Variants in SP4 observed in about 807,000 individuals in gnomAD.
The protein encoded by SP4 is Sp4 transcription factor.
A neutral mutation model predicts 72.8 loss-of-function variants in SP4; 19 were observed. The ratio of observed to expected loss-of-function variants is 0.26; its 90% CI spans 0.18 to 0.38. SP4 has a LOEUF of 0.38. SP4 is among the 10% of genes least tolerant of loss of function. SP4 has a pLI of 1.00. For synonymous variants in SP4, 395 were observed against 333.1 expected, an observed-to-expected ratio of 1.19 and a Z score of -2.02; for missense variants, 1,008 against 926.3, an observed-to-expected ratio of 1.09 and a Z score of -1.14.
chr7:21,447,592 G>C (rs188236678), intron 3 of SP4, among the ~76,000 whole-genome samples: 2 of 152,328 alleles, frequency 1.3e-5, no homozygotes, highest in Admixed American at 6.5e-5. Flanking sequence ...TGAATTTTCT[G>C]TTAGAGTATT....
Position 21,495,431 on chromosome 7 carries a change from A to G in SP4, c.2107+13308A>G, listed in dbSNP as rs76801346. On this transcript the variant is annotated intron_variant, in intron 5 of 5. Transcript: ENST00000222584. ...AACAGTTTTTTTTTTTTAAATGAGC[A>G]AAGGATTTGACACTTCACCAGAGAA... Among the ~76,000 whole-genome samples, 465 of 150,396 alleles carry G rather than the reference A, an allele frequency of 3.1e-3. 2 individuals are homozygous for G. Among genetic ancestry groups the G allele is most frequent in the African/African-American group, 0.011 (441 of 41,038 alleles).
chr7:21,464,109 G>A (rs187220311), intron 3 of SP4, among the ~76,000 whole-genome samples: 127 of 148,368 alleles, frequency 8.6e-4, no homozygotes, highest in South Asian at 5.1e-3. Context: ...TCATTCCCTT[G>A]TCAGGGCGCT....
In SP4 at chr7:21,507,020, T is replaced by G. The variant is rs544373603; in HGVS notation, c.2108-4002T>G. ...TGAGACTTCTTGCCTGGGAGGGTGT[T>G]GCCTCTCCCAGATGGTCATGTCCAC... On this transcript the variant is annotated intron_variant, in intron 5 of 5. Transcript: ENST00000222584. Among the ~76,000 whole-genome samples, 46 of 152,254 alleles carry G rather than the reference T, an allele frequency of 3.0e-4. 1 individual carries two copies. Among genetic ancestry groups the G allele is most frequent in the Admixed American group, 1.8e-3 (28 of 15,288 alleles).
intron 3 of SP4, among the ~76,000 whole-genome samples, chr7:21,441,380 G>A (rs542097279): frequency 6.6e-5 from 10 of 152,134 alleles, no homozygotes; most frequent in Non-Finnish European, 1.2e-4. Flanking sequence ...CTTCCTAGAG[G>A]CTTAGTGGTC....
At chr7:21,456,062 A>C (rs1783755113) in intron 3 of SP4, among the ~76,000 whole-genome samples, 1 of 152,214 alleles carries the variant, frequency 6.6e-6, no homozygotes, top group Admixed American at 6.5e-5. Context: ...ACTCATGGAA[A>C]GCCTTCATAT....
intron 3 of SP4, among the ~76,000 whole-genome samples, chr7:21,461,933 AGACCAAG>A (rs1434330996): frequency 6.6e-6 from 1 of 152,238 alleles, no homozygotes; most frequent in Non-Finnish European, 1.5e-5. Context: ...TGACGATGTC[AGACCAAG>A]GACAGGTGAA....
chr7:21,433,722 C>T lies in SP4; in HGVS notation c.1678+2879C>T, dbSNP rs145320192. Among the ~76,000 whole-genome samples the T allele has an allele frequency of 1.5e-3, 232 of 152,272 alleles. 2 individuals are homozygous for T. The East Asian group carries it at 0.033, about 21-fold the overall frequency. On this transcript the variant is annotated intron_variant, in intron 3 of 5. Coordinates refer to ENST00000222584, the MANE Select transcript of SP4 (RefSeq NM_003112.5). ...TTGGGAGGTCAAGGCAGGTGGATCA[C>T]CTGAGGTTGGGAGTTCGACACCAGC...
intron 3 of SP4, among the ~76,000 whole-genome samples, chr7:21,448,305 C>T (rs1783487916): frequency 6.6e-6 from 1 of 152,156 alleles, no homozygotes; most frequent in Admixed American, 6.5e-5. Flanking sequence ...GTACCACTGG[C>T]AAGTACTCTT....
chr7:21,512,624 C>T lies in SP4; in HGVS notation c.*1355C>T, dbSNP rs1312772642. ...TTGCCCAGGCTGGAGTGCAATGGCACGATCTCAGCTTACTGCAACCGCCGC... is the reference window on the plus strand; with the variant it reads ...TTGCCCAGGCTGGAGTGCAATGGCATGATCTCAGCTTACTGCAACCGCCGC... On this transcript the variant is annotated 3_prime_UTR_variant, in exon 6 of 6. Coordinates refer to ENST00000222584, the MANE Select transcript of SP4 (RefSeq NM_003112.5). The T allele has an allele frequency of 2.0e-5, 3 of 147,934 alleles. No individual in the cohort carries two copies. The highest frequency in any genetic ancestry group is 6.8e-5 in the Admixed American group (1 of 14,714). The allele number at this position is 147,934 out of a possible 1,614,324, so 9.2% of individuals were successfully genotyped here. A position where few individuals can be genotyped will look rare whatever the true frequency, so the allele number is the denominator to read the frequency against.
In SP4 at chr7:21,513,026, C is replaced by T. The variant is rs1442622047; in HGVS notation, c.*1757C>T. On this transcript the variant is annotated 3_prime_UTR_variant, in exon 6 of 6. Coordinates refer to ENST00000222584, the MANE Select transcript of SP4 (RefSeq NM_003112.5). Reference sequence around the variant, plus strand: ...ACCATTTGAAAACTAAAAGTTTTTACCTACCTGCTCAATTTATTAACATCA... The same window carrying T: ...ACCATTTGAAAACTAAAAGTTTTTATCTACCTGCTCAATTTATTAACATCA... The T allele has an allele frequency of 6.6e-6, 1 of 152,592 alleles. No individual in the cohort carries two copies. Among genetic ancestry groups the T allele is most frequent in the Non-Finnish European group, 1.5e-5 (1 of 68,026 alleles). The allele number at this position is 152,592 out of a possible 1,614,324, so 9.5% of individuals were successfully genotyped here. A position where few individuals can be genotyped will look rare whatever the true frequency, so the allele number is the denominator to read the frequency against.
intron 3 of SP4, among the ~76,000 whole-genome samples, chr7:21,458,450 C>G (rs1783849190): frequency 6.6e-6 from 1 of 152,166 alleles, no homozygotes; most frequent in Non-Finnish European, 1.5e-5. Context: ...TCCCAAAGTG[C>G]TGGGAGTACA....
intron 3 of SP4, among the ~76,000 whole-genome samples, chr7:21,455,688 C>T (rs1051118153): frequency 8.5e-5 from 13 of 152,164 alleles, no homozygotes; most frequent in African/African-American, 3.1e-4. Context: ...TACTGTGTAC[C>T]TATCATTGTG....
chr7:21,483,627 C>G (rs1398473850), intron 5 of SP4, among the ~76,000 whole-genome samples: 1 of 151,682 alleles, frequency 6.6e-6, no homozygotes, highest in Non-Finnish European at 1.5e-5. Flanking sequence ...ATTGATTGTC[C>G]TCTTTTACAT....
In SP4 at chr7:21,493,744, T is replaced by G. The variant is rs146415945; in HGVS notation, c.2107+11621T>G. ...AAAACTCTGGGCCCGTATGGTTTCA[T>G]TGACAAATTCTACCATTTAAGGAAT... is the stretch of plus-strand genomic sequence containing the variant. On this transcript the variant is annotated intron_variant, in intron 5 of 5. Transcript: ENST00000222584. 1.3e-4 allele frequency among the ~76,000 whole-genome samples: 20 copies of G among 152,318 alleles called. No individual in the cohort carries two copies. In the East Asian group the frequency reaches 3.9e-3, roughly 29 times the overall value.
chr7:21,474,140 G>T (rs572851938), intron 3 of SP4, among the ~76,000 whole-genome samples: 101 of 152,174 alleles, frequency 6.6e-4, no homozygotes, highest in Non-Finnish European at 8.7e-4. Context: ...GGGGACCAGA[G>T]GGATCAGGAA....
intron 5 of SP4, among the ~76,000 whole-genome samples, chr7:21,507,981 C>T (rs569002108): frequency 3.3e-5 from 5 of 152,244 alleles, no homozygotes; most frequent in African/African-American, 9.6e-5. Flanking sequence ...TGCCCAACCA[C>T]CAAGACAGTA....
intron 4 of SP4, among the ~76,000 whole-genome samples, chr7:21,478,937 G>A (rs146954149): frequency 2.0e-5 from 3 of 151,826 alleles, no homozygotes; most frequent in African/African-American, 4.8e-5. Context: ...GCATGGTAGC[G>A]CATGCTTGTA....
chr7:21,485,521 A>C lies in SP4; in HGVS notation c.2107+3398A>C, dbSNP rs189774617. Among the ~76,000 whole-genome samples, 3 of 152,084 alleles carry C rather than the reference A, an allele frequency of 2.0e-5. No homozygotes were observed. In the East Asian group the frequency reaches 5.8e-4, roughly 29 times the overall value. On this transcript the variant is annotated intron_variant, in intron 5 of 5. Coordinates refer to ENST00000222584, the MANE Select transcript of SP4 (RefSeq NM_003112.5). ...TTCTAGGATGACTGTCATGTATCTAAATCATATACTTAAACACTGTTATTT... is the reference window on the plus strand; with the variant it reads ...TTCTAGGATGACTGTCATGTATCTACATCATATACTTAAACACTGTTATTT...
At chr7:21,501,107 G>A (rs547048985) in intron 5 of SP4, among the ~76,000 whole-genome samples, 1 of 152,256 alleles carries the variant, frequency 6.6e-6, no homozygotes, top group South Asian at 2.1e-4. Flanking sequence ...CATCATCCAA[G>A]TTTCATTATC....
Sources: allele counts gnomAD v4.1 joint callset (sites outside exome capture counted in the v4.1 genomes callset), GRCh38; gene constraint gnomAD v4.1.1; transcripts MANE v1.5; gene names NCBI Gene and HGNC (gene_info 2026-07-23, HGNC 2026-07-21).